SCUBE1: variants seen among roughly 807,000 people sequenced by gnomAD.
SCUBE1 encodes the protein signal peptide, CUB domain and EGF like domain containing 1, also known as signal peptide, CUB and EGF-like domain-containing protein 1.
Under a neutral mutation model 124.4 loss-of-function variants are expected in SCUBE1, and 59 were observed. That is an observed-to-expected ratio of 0.47 (90% CI 0.38 to 0.59). The LOEUF is 0.59. Among genes scored for constraint, SCUBE1 ranks in the 20% least tolerant of loss-of-function variants. The pLI is 0.00. For missense variants in SCUBE1, 1,150 were observed against 1,371.2 expected, an observed-to-expected ratio of 0.84 and a Z score of 2.55; for synonymous variants, 545 against 550.9, an observed-to-expected ratio of 0.99 and a Z score of 0.15.
At position 43,199,120 on chromosome 22, in the gene SCUBE1, T is replaced by G. The variant is rs1186152127; in HGVS notation, c.*4877A>C. The stretch of plus-strand genomic sequence containing the variant: ...GCTGTCTGGGGCAGTTTGTCATCTG[T>G]GCAGGGCACCAACTCCCTGTCTTTC... On this transcript the variant is annotated 3_prime_UTR_variant, in exon 22 of 22. Coordinates refer to ENST00000360835, the MANE Select transcript of SCUBE1 (RefSeq NM_173050.5). The G allele has an allele frequency of 3.6e-6, 1 of 275,148 alleles. No individual in the cohort carries two copies. The highest frequency in any genetic ancestry group is 2.2e-5 in the African/African-American group (1 of 45,148). The allele number at this position is 275,148 out of a possible 1,614,324, so 17.0% of individuals were successfully genotyped here.
intron 4 of SCUBE1, among the ~76,000 whole-genome samples, chr22:43,270,983 G>A (rs190281521): frequency 1.3e-5 from 2 of 152,112 alleles, no homozygotes; most frequent in African/African-American, 4.8e-5. Flanking sequence ...CCTGGGTGAG[G>A]GGCAGCCTCC....
chr22:43,232,070 G>A (rs1922578129), intron 7 of SCUBE1, 195 bp from the exon 8 acceptor site: 1 of 602,738 alleles, frequency 1.7e-6, no homozygotes, highest in East Asian at 2.8e-5. Context: ...GGTCGGGGCT[G>A]GGTTGTACTG....
intron 2 of SCUBE1, among the ~76,000 whole-genome samples, chr22:43,328,637 G>A (rs1429061304): frequency 6.6e-6 from 1 of 152,202 alleles, no homozygotes; most frequent in Non-Finnish European, 1.5e-5. Context: ...AGGGGCTCAT[G>A]GCAATTTGAA....
chr22:43,319,869 C>A, intron 3 of SCUBE1, 68 bp downstream of exon 3: 1 of 1,574,278 alleles, frequency 6.4e-7, no homozygotes, highest in Admixed American at 1.8e-5. Flanking sequence ...TGGCTCCCAA[C>A]TCTGTAAGCT....
intron 4 of SCUBE1, among the ~76,000 whole-genome samples, chr22:43,278,995 C>T (rs1378072243): frequency 2.0e-5 from 3 of 152,056 alleles, no homozygotes; most frequent in Non-Finnish European, 4.4e-5. Flanking sequence ...CTGCAGGCCA[C>T]AGACAAGCCA....
intron 5 of SCUBE1, among the ~76,000 whole-genome samples, chr22:43,261,466 G>C (rs1923867887): frequency 6.6e-6 from 1 of 152,178 alleles, no homozygotes; most frequent in African/African-American, 2.4e-5. Context: ...GGTACACGTG[G>C]GTCCCCAGGG....
At position 43,275,653 on chromosome 22, in the gene SCUBE1, G is replaced by A. The variant is rs547605528; in HGVS notation, c.485-12808C>T. 1.5e-3 allele frequency among the ~76,000 whole-genome samples: 236 copies of A among 152,350 alleles called. 3 individuals carry two copies. Among genetic ancestry groups the A allele is most frequent in the African/African-American group, 4.2e-3 (175 of 41,586 alleles). On this transcript the variant is annotated intron_variant, in intron 4 of 21. Transcript: ENST00000360835. ...TCAGAGAGGAGGTGAAAGTGCGCTGGGTTTTGATGGATGACTAAGAGTTCT... is the reference window on the plus strand; with the variant it reads ...TCAGAGAGGAGGTGAAAGTGCGCTGAGTTTTGATGGATGACTAAGAGTTCT...
chr22:43,294,151 G>C (rs1046808036), intron 3 of SCUBE1, among the ~76,000 whole-genome samples: 2 of 152,240 alleles, frequency 1.3e-5, no homozygotes, highest in Non-Finnish European at 2.9e-5. Flanking sequence ...TGGGAAGAGG[G>C]GGCTGCCCCT....
intron 6 of SCUBE1, 64 bp from the exon 7 acceptor site, chr22:43,239,018 C>G (rs969369660): frequency 4.6e-6 from 6 of 1,310,420 alleles, no homozygotes; most frequent in Non-Finnish European, 6.6e-6. Context: ...TTTCCCCTTC[C>G]GTGGAAAGAT....
intron 6 of SCUBE1, among the ~76,000 whole-genome samples, chr22:43,244,672 G>A (rs1001189167): frequency 3.9e-5 from 6 of 152,194 alleles, no homozygotes; most frequent in African/African-American, 7.2e-5. Flanking sequence ...GCCAGCACAC[G>A]GGGGGACTGT....
chr22:43,232,053 G>A (rs1922577167), intron 7 of SCUBE1, 178 bp from the exon 8 acceptor site: 3 of 652,190 alleles, frequency 4.6e-6, no homozygotes, highest in Non-Finnish European at 8.1e-6. Flanking sequence ...TGTCTCGCAG[G>A]GGTCAGGGTC....
intron 15 of SCUBE1, among the ~76,000 whole-genome samples, chr22:43,216,481 T>C (rs140435825): frequency 0.18 from 27,583 of 150,828 alleles, 3,990 homozygotes; most frequent in African/African-American, 0.4. Flanking sequence ...AGTGAAACCC[T>C]GTCTCTACTA....
rs555173171 is a variant in SCUBE1 at position 43,220,324 on chromosome 22, C to T, written c.1687+126G>A. The T allele has an allele frequency of 2.7e-6, 3 of 1,110,152 alleles. No individual in the cohort carries two copies. In the East Asian group the frequency reaches 7.3e-5, roughly 27 times the overall value. 68.8% of individuals were successfully genotyped at this position (1,110,152 alleles called of 1,614,324 possible). ...TGCCTCTGTCTCCAGAAGCTGGGCT[C>T]CCATCCCAGCCACAGCTGTGCTCTG... On this transcript the variant is annotated intron_variant, in intron 14 of 21. Transcript: ENST00000360835.
intron 6 of SCUBE1, among the ~76,000 whole-genome samples, chr22:43,248,301 G>A (rs896618063): frequency 2.0e-5 from 3 of 152,194 alleles, no homozygotes; most frequent in Non-Finnish European, 2.9e-5. Context: ...CAGGCCCAAC[G>A]CACAAGGTGG....
In SCUBE1 at chr22:43,291,304, G is replaced by A. The variant is rs1925348521; in HGVS notation, c.350-124C>T. On this transcript the variant is annotated intron_variant, in intron 3 of 21. Transcript: ENST00000360835. ...TGGCCCTGAAGGGAGGGACTCCAGA[G>A]AGGGCCTCCCTGGTGCTGTGTGATG... The A allele has an allele frequency of 2.8e-6, 3 of 1,056,512 alleles. No individual in the cohort carries two copies. In the South Asian group the frequency reaches 4.5e-5, roughly 16 times the overall value. 65.4% of individuals were successfully genotyped at this position (1,056,512 alleles called of 1,614,324 possible). A position where few individuals can be genotyped will look rare whatever the true frequency, so the allele number is the denominator to read the frequency against.
intron 6 of SCUBE1, among the ~76,000 whole-genome samples, chr22:43,250,679 G>A (rs1345304358): frequency 1.3e-5 from 2 of 152,182 alleles, no homozygotes; most frequent in Admixed American, 6.5e-5. Flanking sequence ...CAGGGTGGCT[G>A]TGAGGTTGAG....
intron 6 of SCUBE1, among the ~76,000 whole-genome samples, chr22:43,249,934 C>T (rs1036242550): frequency 2.0e-5 from 3 of 152,256 alleles, no homozygotes; most frequent in Non-Finnish European, 2.9e-5. Context: ...CTGTCCCTGG[C>T]GGCTTCCCTT....
chr22:43,238,955 C>G lies in SCUBE1; in HGVS notation c.728-1G>C. On this transcript the variant is annotated splice_acceptor_variant, in intron 6 of 21. Transcript: ENST00000360835. LOFTEE classifies it high-confidence loss of function. ...CCTCCGTTATTGACTGCGCACGTCT[C>G]TGGGGAGGGAAAGAGACAGAGACCT... 2 of 1,608,544 alleles carry G rather than the reference C, an allele frequency of 1.2e-6. No individual in the cohort carries two copies. The highest frequency in any genetic ancestry group is 1.1e-5 in the South Asian group (1 of 91,006).
In SCUBE1 at chr22:43,278,849, G is replaced by A. The variant is rs186823607; in HGVS notation, c.484+12197C>T. On this transcript the variant is annotated intron_variant, in intron 4 of 21. Coordinates refer to ENST00000360835, the MANE Select transcript of SCUBE1 (RefSeq NM_173050.5). ...CTGTGAGCATCAGGCGACCCTGTAT[G>A]GAAACCACAGCAAAGCTCCAGGAGG... Among the ~76,000 whole-genome samples the A allele has an allele frequency of 2.8e-4, 43 of 152,292 alleles. No individual in the cohort carries two copies. The East Asian group carries it at 8.1e-3, about 29-fold the overall frequency.
Sources: gnomAD v4.1 joint callset for allele counts (sites outside exome capture counted in the v4.1 genomes callset) on GRCh38, gnomAD v4.1.1 for gene constraint, MANE v1.5 for transcripts, NCBI Gene and HGNC (gene_info 2026-07-23, HGNC 2026-07-21) for gene names.